DOT1L: variants seen among roughly 807,000 people sequenced by gnomAD.
DOT1L encodes histone-lysine N-methyltransferase, H3 lysine-79 specific.
A neutral mutation model predicts 153.3 loss-of-function variants in DOT1L; 33 were observed. The observed-to-expected ratio is 0.22, with a 90% CI of 0.16 to 0.29. The LOEUF (loss-of-function observed/expected upper bound fraction) is 0.29, where lower values mean the gene tolerates loss of function less well. Ranked by LOEUF, DOT1L falls within the 10% of genes least tolerant of loss-of-function variation. The pLI, the probability that DOT1L is intolerant of heterozygous loss-of-function variation, is 1.00. For synonymous variants in DOT1L, 1,135 were observed against 965.1 expected, an observed-to-expected ratio of 1.18 and a Z score of -3.26; for missense variants, 1,847 against 2,119.9, an observed-to-expected ratio of 0.87 and a Z score of 2.53.
At chr19:2,168,528 T>C (rs1599524931) in intron 1 of DOT1L, among the ~76,000 whole-genome samples, 1 of 152,088 alleles carries the variant, frequency 6.6e-6, no homozygotes, top group Non-Finnish European at 1.5e-5. Context: ...GTTTGCCCAA[T>C]TGGCAAACGC....
intron 8 of DOT1L, among the ~76,000 whole-genome samples, chr19:2,200,942 C>T (rs565183543): frequency 2.1e-5 from 3 of 143,356 alleles, no homozygotes; most frequent in East Asian, 2.2e-4. Flanking sequence ...ATCCTCCCCG[C>T]ATTCCTCGTC....
chr19:2,232,416 T>A lies in DOT1L; in HGVS notation c.*2624T>A, dbSNP rs1030759251. 1 of 212,326 alleles carries A rather than the reference T, an allele frequency of 4.7e-6. No homozygotes were observed. The highest frequency in any genetic ancestry group is 6.9e-5 in the East Asian group (1 of 14,468). The allele number at this position is 212,326 out of a possible 1,614,324, so 13.2% of individuals were successfully genotyped here. ...CACGCTGCTGGTCTGTGTCAGCCTT[T>A]GTAACGTGGGAGGCTCTGCCGTGTC... On this transcript the variant is annotated 3_prime_UTR_variant, in exon 28 of 28. Transcript: ENST00000398665.
At position 2,220,641 on chromosome 19, in the gene DOT1L, G is replaced by T. The variant is rs1389474739; in HGVS notation, c.2806+419G>T. On this transcript the variant is annotated intron_variant, in intron 23 of 27. Coordinates refer to ENST00000398665, the MANE Select transcript of DOT1L (RefSeq NM_032482.3). This position sits in a 1 kb window ranked among gnomAD's most constrained non-coding sequence, Gnocchi z 4.5. The stretch of plus-strand genomic sequence containing the variant: ...GTTTCTGGTTCCTTGAGAAGGTGCC[G>T]CCTGAGCAGTCTCTGCTGTTAGCCC... The T allele has an allele frequency of 9.7e-6, 4 of 413,644 alleles. No homozygotes were observed. The East Asian group carries it at 2.1e-4, about 22-fold the overall frequency. The allele number at this position is 413,644 out of a possible 1,614,324, so 25.6% of individuals were successfully genotyped here. A position where few individuals can be genotyped will look rare whatever the true frequency, so the allele number is the denominator to read the frequency against.
chr19:2,176,006 C>T (rs905054647), intron 1 of DOT1L, among the ~76,000 whole-genome samples: 2 of 152,130 alleles, frequency 1.3e-5, no homozygotes, highest in Non-Finnish European at 2.9e-5. Context: ...GATCACCCAA[C>T]CTCTGTGTCC....
At chr19:2,202,112 G>A (rs543597171) in intron 8 of DOT1L, among the ~76,000 whole-genome samples, 5 of 152,336 alleles carry the variant, frequency 3.3e-5, no homozygotes, top group South Asian at 2.1e-4. Context: ...CCCTAAGTGC[G>A]GTCCTGAGTG....
rs1229591472 is a variant in DOT1L, at chr19:2,190,166, C to T, written c.264+371C>T. 6.6e-6 allele frequency among the ~76,000 whole-genome samples: 1 copy of T among 152,168 alleles called. No homozygotes were observed. The highest frequency in any genetic ancestry group is 2.1e-4 in the South Asian group (1 of 4,830). ...CCTTCCCCCTTGGACCTCCCCCACA[C>T]CGCCTGCCTTCATCAGGCTGGATGC... On this transcript the variant is annotated intron_variant, in intron 4 of 27. Coordinates refer to ENST00000398665, the MANE Select transcript of DOT1L (RefSeq NM_032482.3). This position sits in a 1 kb window ranked among gnomAD's most constrained non-coding sequence, Gnocchi z 4.8.
At chr19:2,174,554 C>T (rs999177117) in intron 1 of DOT1L, among the ~76,000 whole-genome samples, 6 of 152,090 alleles carry the variant, frequency 3.9e-5, no homozygotes, top group Admixed American at 1.3e-4. Context: ...GGTGTGGTGG[C>T]GCACGCCTGT....
At chr19:2,205,948 C>G (rs972971507) in intron 9 of DOT1L, among the ~76,000 whole-genome samples, 3 of 151,914 alleles carry the variant, frequency 2.0e-5, no homozygotes, top group African/African-American at 7.3e-5. Flanking sequence ...CCTTGGCCTC[C>G]CATAATGCTG....
At chr19:2,218,062 C>T in intron 22 of DOT1L, 144 bp downstream of exon 22, 2 of 1,234,208 alleles carry the variant, frequency 1.6e-6, no homozygotes, top group Non-Finnish European at 2.2e-6. Context: ...CTGTCCAAAG[C>T]CGGGGCGTGT....
intron 1 of DOT1L, among the ~76,000 whole-genome samples, chr19:2,174,088 G>A (rs898338168): frequency 1.3e-5 from 2 of 152,224 alleles, no homozygotes; most frequent in Non-Finnish European, 1.5e-5. Flanking sequence ...CTCCTAAAGT[G>A]CTAGCACTAC....
intron 1 of DOT1L, among the ~76,000 whole-genome samples, chr19:2,172,566 G>A (rs1470097516): frequency 2.7e-5 from 4 of 149,374 alleles, no homozygotes; most frequent in Non-Finnish European, 5.9e-5. Flanking sequence ...GTGCAGTGGC[G>A]CCATCTCGGC....
chr19:2,213,924 C>T lies in DOT1L; in HGVS notation c.1735C>T (p.Arg579Trp), dbSNP rs766949790. The T allele has an allele frequency of 8.1e-6, 13 of 1,612,940 alleles. No homozygotes were observed. The highest frequency in any genetic ancestry group is 6.7e-5 in the East Asian group (3 of 44,900). Residue 579 changes from arginine to tryptophan, a missense_variant, in exon 18 of 28, where the codon CGG (arginine) becomes TGG (tryptophan). By Grantham distance (101) the Arg-to-Trp change is moderately radical. This residue lies in a region of DOT1L where 156 missense variants were observed against 235.7 expected (regional missense o/e 0.66). Coordinates refer to ENST00000398665, the MANE Select transcript of DOT1L (RefSeq NM_032482.3). The part of the protein sequence containing the change: ...KEISAHNQQL[R>W]EQSEQLEQDN... ...GATCTCCGCCCATAACCAGCAGCTG[C>T]GGGAGCAGTCGGAGCAGCTGGAGCA...
At chr19:2,218,311 G>A (rs1053065178) in intron 22 of DOT1L, among the ~76,000 whole-genome samples, 1 of 152,208 alleles carries the variant, frequency 6.6e-6, no homozygotes, top group African/African-American at 2.4e-5. Context: ...TAGCATGGGC[G>A]GGATTTTCTG....
At chr19:2,228,299 C>T (rs746092228) in intron 27 of DOT1L, 3 of 1,350,606 alleles carry the variant, frequency 2.2e-6, no homozygotes, top group Non-Finnish European at 3.0e-6. Context: ...TGTCCCTCGG[C>T]ATGCCGCCTC....
intron 16 of DOT1L, chr19:2,212,707 C>T (rs924673013): frequency 3.9e-5 from 6 of 152,254 alleles, no homozygotes; most frequent in African/African-American, 7.2e-5. Context: ...ATCAGCGATC[C>T]AAGCAGGGGC....
chr19:2,166,228 G>A (rs922873023), intron 1 of DOT1L, among the ~76,000 whole-genome samples: 5 of 141,946 alleles, frequency 3.5e-5, no homozygotes, highest in African/African-American at 1.1e-4. Flanking sequence ...TCCCTGGTAG[G>A]TGGGATTACA....
chr19:2,176,471 C>T (rs1399678237), intron 1 of DOT1L, among the ~76,000 whole-genome samples: 3 of 152,224 alleles, frequency 2.0e-5, no homozygotes, highest in Non-Finnish European at 4.4e-5. Context: ...AGTACACTTA[C>T]GTGGCCCCCA....
intron 1 of DOT1L, among the ~76,000 whole-genome samples, chr19:2,178,511 G>T (rs1277635177): frequency 6.7e-6 from 1 of 148,500 alleles, no homozygotes; most frequent in Non-Finnish European, 1.5e-5. Flanking sequence ...TCCGCTTCCC[G>T]GGTTCACGCC....
chr19:2,171,470 A>G (rs2021617252), intron 1 of DOT1L, among the ~76,000 whole-genome samples: 1 of 151,772 alleles, frequency 6.6e-6, no homozygotes, highest in South Asian at 2.1e-4. Flanking sequence ...GCGTCTAGAG[A>G]CCTTTGCGGT....
Sources: gnomAD v4.1 joint callset for allele counts (sites outside exome capture counted in the v4.1 genomes callset) on GRCh38, gnomAD v4.1.1 for gene constraint, gnomAD v4.1.1 regional missense constraint, Gnocchi (gnomAD v3.1) non-coding constraint, MANE v1.5 for transcripts, NCBI Gene and HGNC (gene_info 2026-07-23, HGNC 2026-07-21) for gene names.